Variants in CHRFAM7A observed in about 807,000 individuals in gnomAD.
CHRFAM7A encodes CHRNA7 (exons 5-10) and FAM7A (exons A-E) fusion.
In CHRFAM7A, 3 loss-of-function variants were observed where a neutral mutation model predicts 29.2. That is an observed-to-expected ratio of 0.10 (90% confidence interval 0.05 to 0.27). The LOEUF (loss-of-function observed/expected upper bound fraction) is 0.27. Ranked by LOEUF, CHRFAM7A falls within the 10% of genes least tolerant of loss-of-function variation. CHRFAM7A has a pLI of 1.00. For missense variants in CHRFAM7A, 22 were observed against 328.0 expected (o/e 0.07, Z 7.21); for synonymous variants, 7 against 135.4 (o/e 0.05, Z 6.58).
intron 1 of CHRFAM7A, among the ~76,000 whole-genome samples, chr15:30,387,361 A>G (rs1595515008): frequency 1.3e-5 from 1 of 78,990 alleles, no homozygotes; most frequent in Non-Finnish European, 2.7e-5. Context: ...TTAGGGATGG[A>G]GTCTCAGTCT....
At chr15:30,369,235 C>T (rs1264572856) in intron 8 of CHRFAM7A, among the ~76,000 whole-genome samples, 8 of 148,712 alleles carry the variant, frequency 5.4e-5, no homozygotes, top group Admixed American at 2.7e-4. Flanking sequence ...CCACCCTTAT[C>T]GAGGACGTGC....
chr15:30,363,210 G>A (rs1341549320), intron 9 of CHRFAM7A, among the ~76,000 whole-genome samples: 3 of 145,044 alleles, frequency 2.1e-5, no homozygotes, highest in African/African-American at 7.8e-5. Flanking sequence ...AGGTGCCCTG[G>A]AAGGCCACTG....
At chr15:30,375,693 G>C (rs2058920340) in intron 5 of CHRFAM7A, among the ~76,000 whole-genome samples, 2 of 147,588 alleles carry the variant, frequency 1.4e-5, no homozygotes, top group Non-Finnish European at 1.5e-5. Context: ...GTGTGTGTGT[G>C]TTGGTGGTTT....
intron 9 of CHRFAM7A, 124 bp downstream of exon 9, chr15:30,367,294 A>T (rs2058798132): frequency 1.1e-5 from 14 of 1,242,210 alleles, no homozygotes; most frequent in Non-Finnish European, 1.6e-5. Flanking sequence ...TCAAAAAAAC[A>T]AACAAAAAAC....
rs1296011588 is a variant in CHRFAM7A, at chr15:30,374,609, T to C, written c.161-1464A>G. Among the ~76,000 whole-genome samples, 40 of 140,626 alleles carry C rather than the reference T, an allele frequency of 2.8e-4. 5 individuals are homozygous for C. Among genetic ancestry groups the C allele is most frequent in the African/African-American group, 1.1e-3 (40 of 37,180 alleles). The allele number at this position is 140,626 out of a possible 152,430, so 92.3% of individuals were successfully genotyped here. ...GGTTGCTGGGAGTAGGAATGGGAAT[T>C]AACTGCAAACAAGCAAAAGGGATCT... On this transcript the variant is annotated intron_variant, in intron 5 of 9. Coordinates refer to ENST00000299847, the MANE Select transcript of CHRFAM7A (RefSeq NM_139320.2).
intron 5 of CHRFAM7A, among the ~76,000 whole-genome samples, chr15:30,375,847 GGTAT>G (rs1399060962): frequency 3.7e-4 from 44 of 120,002 alleles, no homozygotes; most frequent in African/African-American, 1.0e-3. Context: ...TCGTGTGGGT[GGTAT>G]GTGAGTGGTT....
rs1348991076 is a variant in CHRFAM7A at position 30,374,551 on chromosome 15, CAG to C, written c.161-1408_161-1407del. On this transcript the variant is annotated intron_variant, in intron 5 of 9. Coordinates refer to ENST00000299847, the MANE Select transcript of CHRFAM7A (RefSeq NM_139320.2). ...ATTTCTACGAAATAATGGCCCGAGA[CAG>C]AGAATTTCTAGAGACAGAAAGCAGA... Among the ~76,000 whole-genome samples the C allele has an allele frequency of 8.2e-5, 12 of 146,328 alleles. 4 individuals are homozygous for C. Among genetic ancestry groups the C allele is most frequent in the African/African-American group, 2.8e-4 (11 of 38,998 alleles).
chr15:30,373,963 G>C (rs560023484), intron 5 of CHRFAM7A, among the ~76,000 whole-genome samples: 29 of 140,090 alleles, frequency 2.1e-4, no homozygotes, highest in Non-Finnish European at 3.8e-4. Flanking sequence ...GAATCTGTCT[G>C]TAAGAAAAAA....
At chr15:30,371,554 T>TA (rs1207496042) in intron 7 of CHRFAM7A, among the ~76,000 whole-genome samples, 4 of 149,962 alleles carry the variant, frequency 2.7e-5, no homozygotes, top group Non-Finnish European at 1.5e-5. Context: ...TTTCAGGTCT[T>TA]ACGTTTGCTA....
chr15:30,375,736 G>T (rs2058921378), intron 5 of CHRFAM7A, among the ~76,000 whole-genome samples: 1 of 150,202 alleles, frequency 6.7e-6, no homozygotes, highest in African/African-American at 2.5e-5. Flanking sequence ...GTGTGGAGTG[G>T]TGAGTGGTGT....
At chr15:30,373,354 T>G (rs2058886704) in intron 5 of CHRFAM7A, among the ~76,000 whole-genome samples, 1 of 144,762 alleles carries the variant, frequency 6.9e-6, no homozygotes, top group African/African-American at 2.5e-5. Context: ...AACGTAACAC[T>G]GACATGCTCT....
chr15:30,371,168 G>GA lies in CHRFAM7A; in HGVS notation c.539dup (p.Ser181LeufsTer11). 1 of 1,509,334 alleles carries GA rather than the reference G, an allele frequency of 6.6e-7. No homozygotes were observed. The highest frequency in any genetic ancestry group is 1.1e-5 in the South Asian group (1 of 88,750). The allele number at this position is 1,509,334 out of a possible 1,614,324, so 93.5% of individuals were successfully genotyped here. A position where few individuals can be genotyped will look rare whatever the true frequency, so the allele number is the denominator to read the frequency against. ...CGAGCAGCATGAAGACGGTAAGAGAGAGTAAGACTGTTATCCCTAAAACAT... is the reference window on the plus strand; with the variant it reads ...CGAGCAGCATGAAGACGGTAAGAGAGAAGTAAGACTGTTATCCCTAAAACAT... On this transcript the variant is annotated frameshift_variant, in exon 8 of 10. Coordinates refer to ENST00000299847, the MANE Select transcript of CHRFAM7A (RefSeq NM_139320.2). LOFTEE classifies it high-confidence loss of function.
intron 5 of CHRFAM7A, among the ~76,000 whole-genome samples, chr15:30,374,211 G>A (rs1263359914): frequency 1.1e-5 from 1 of 91,308 alleles, no homozygotes; most frequent in African/African-American, 4.7e-5. Context: ...CAAGAAGACA[G>A]GCACAGACTC....
At chr15:30,368,268 A>G (rs1383595345) in intron 8 of CHRFAM7A, among the ~76,000 whole-genome samples, 2 of 148,212 alleles carry the variant, frequency 1.3e-5, no homozygotes, top group East Asian at 2.0e-4. Flanking sequence ...ATAATAAGAA[A>G]TATGTATTTG....
At chr15:30,363,126 T>C (rs1297000175) in intron 9 of CHRFAM7A, among the ~76,000 whole-genome samples, 1 of 150,928 alleles carries the variant, frequency 6.6e-6, no homozygotes, top group African/African-American at 2.5e-5. Flanking sequence ...GGAAAGTCAA[T>C]TTCCCTCTCT....
chr15:30,367,637 G>GTGAT (rs1403175805), intron 8 of CHRFAM7A, 110 bp from the exon 9 acceptor site: 2 of 1,350,820 alleles, frequency 1.5e-6, no homozygotes, highest in African/African-American at 3.0e-5. Context: ...TCAGGGTGCA[G>GTGAT]TGATGCCCAT....
chr15:30,361,753 C>T lies in CHRFAM7A; in HGVS notation c.*540G>A, dbSNP rs542078948. On this transcript the variant is annotated 3_prime_UTR_variant, in exon 10 of 10. Coordinates refer to ENST00000299847, the MANE Select transcript of CHRFAM7A (RefSeq NM_139320.2). ...ACAGCATCAAGCTGTTTCTCTCTAC[C>T]GTCTTTGATAGAAATAAAAATAAAA... 9.3e-6 allele frequency: 1 copy of T among 107,502 alleles called. No individual in the cohort carries two copies. The highest frequency in any genetic ancestry group is 2.0e-5 in the Non-Finnish European group (1 of 50,134). The allele number at this position is 107,502 out of a possible 1,614,324, so 6.7% of individuals were successfully genotyped here.
intron 9 of CHRFAM7A, 100 bp from the exon 10 acceptor site, chr15:30,362,911 T>TG: frequency 7.1e-7 from 1 of 1,403,620 alleles, no homozygotes; most frequent in Non-Finnish European, 9.8e-7. Context: ...TCATTGGTCC[T>TG]GGGGGTAGCA....
At chr15:30,393,714 T>A (rs1468040643), upstream of CHRFAM7A, 2 of 4,252 alleles carry the variant, frequency 4.7e-4, no homozygotes, top group South Asian at 0.025. Context: ...CCCTCACCCC[T>A]CACCCCTCAA....
Sources: gnomAD v4.1 joint callset for allele counts (sites outside exome capture counted in the v4.1 genomes callset) on GRCh38, gnomAD v4.1.1 for gene constraint, MANE v1.5 for transcripts, NCBI Gene and HGNC (gene_info 2026-07-23, HGNC 2026-07-21) for gene names.